Variants in DOCK10 observed in about 807,000 individuals in gnomAD.
The protein encoded by DOCK10 is dedicator of cytokinesis 10, also known as dedicator of cytokinesis protein 10.
DOCK10 carries 145 observed loss-of-function variants against 280.1 expected under a neutral mutation model. That is an observed-to-expected ratio of 0.52 (90% CI 0.45 to 0.59). DOCK10 has a LOEUF of 0.59. DOCK10 is among the 20% of genes least tolerant of loss of function. The probability of loss-of-function intolerance (pLI) is 0.00; values close to 1 mark genes in which losing one functional copy is unlikely to be tolerated. For synonymous variants in DOCK10, 915 were observed against 942.2 expected, an observed-to-expected ratio of 0.97 and a Z score of 0.53; for missense variants, 2,368 against 2,651.7, an observed-to-expected ratio of 0.89 and a Z score of 2.35.
intron 1 of DOCK10, among the ~76,000 whole-genome samples, chr2:224,969,510 C>T (rs1303506933): frequency 6.6e-6 from 1 of 152,098 alleles, no homozygotes; most frequent in Non-Finnish European, 1.5e-5. Context: ...ATGAGTCCTC[C>T]AGGGCTGTTC....
At chr2:224,787,508 A>T (rs1691817343) in intron 48 of DOCK10, 111 bp from the exon 49 acceptor site, 4 of 1,350,364 alleles carry the variant, frequency 3.0e-6, no homozygotes, top group Non-Finnish European at 4.1e-6. Flanking sequence ...TGTTACTGGC[A>T]TTTAAAACCC....
At chr2:224,867,306 C>T (rs1292065070) in intron 11 of DOCK10, among the ~76,000 whole-genome samples, 1 of 152,168 alleles carries the variant, frequency 6.6e-6, no homozygotes, top group African/African-American at 2.4e-5. Context: ...CAACCAGTTA[C>T]TTATTGGTTC....
chr2:224,871,117 G>A lies in DOCK10; in HGVS notation c.1257+2879C>T, dbSNP rs191603515. ...GCTGGGATTACAGGTGTGAGCCACCGTGCCTGGCCGCCAAACTTGCATTTG... is the reference window on the plus strand; with the variant it reads ...GCTGGGATTACAGGTGTGAGCCACCATGCCTGGCCGCCAAACTTGCATTTG... On this transcript the variant is annotated intron_variant, in intron 11 of 55. Transcript: ENST00000258390. Among the ~76,000 whole-genome samples the A allele has an allele frequency of 3.2e-4, 48 of 152,118 alleles. No individual in the cohort carries two copies. The East Asian group carries it at 8.1e-3, about 26-fold the overall frequency.
At chr2:224,823,344 T>G (rs16866194) in intron 28 of DOCK10, among the ~76,000 whole-genome samples, 157 bp downstream of exon 28, 27,218 of 152,148 alleles carry the variant, frequency 0.18, 2,957 homozygotes, top group East Asian at 0.31. Context: ...TTAAAAAGTA[T>G]TTCAAGCAAT....
At chr2:224,799,800 TA>T (rs1559433727) in intron 41 of DOCK10, among the ~76,000 whole-genome samples, 1 of 152,230 alleles carries the variant, frequency 6.6e-6, no homozygotes, top group Non-Finnish European at 1.5e-5. Context: ...TCTTTAGATC[TA>T]GTTGTAAATT....
Position 224,797,021 on chromosome 2 carries a change from G to A in DOCK10, c.4770C>T (p.Phe1590=). The part of the protein sequence containing the change: ...QTEASALLYF[F]MRKNFEFNKQ... ...TGTTAAATTCAAAATTCTTCCTCAT[G>A]AAAAAGTACAGAAGGGCTGAGGCTT... Residue 1590 remains phenylalanine (F), a synonymous_variant, in exon 43 of 56, where the codon TTC becomes TTT. Coordinates refer to ENST00000258390, the MANE Select transcript of DOCK10 (RefSeq NM_014689.3). 6.2e-7 allele frequency: 1 copy of A among 1,613,468 alleles called. No homozygotes were observed. The highest frequency in any genetic ancestry group is 1.7e-5 in the Admixed American group (1 of 59,962).
intron 1 of DOCK10, among the ~76,000 whole-genome samples, chr2:225,030,782 T>C (rs1483372540): frequency 6.6e-6 from 1 of 152,196 alleles, no homozygotes; most frequent in Admixed American, 6.5e-5. Context: ...GTTGTAAATA[T>C]TTAACAATAA....
chr2:224,921,096 A>ATATATAT (rs1480408193), intron 2 of DOCK10, among the ~76,000 whole-genome samples: 17 of 29,964 alleles, frequency 5.7e-4, no homozygotes, highest in Non-Finnish European at 8.1e-4. Flanking sequence ...CTCTATTAAA[A>ATATATAT]AAAAAAAAAA....
chr2:224,901,911 A>G (rs1375457858), intron 3 of DOCK10, among the ~76,000 whole-genome samples: 5 of 152,216 alleles, frequency 3.3e-5, no homozygotes, highest in Non-Finnish European at 7.3e-5. Context: ...AGCCTTTTAA[A>G]AGGACATATC....
intron 3 of DOCK10, among the ~76,000 whole-genome samples, chr2:224,904,511 T>C (rs1414908194): frequency 1.3e-5 from 2 of 152,322 alleles, no homozygotes; most frequent in South Asian, 2.1e-4. Flanking sequence ...GGTCACACTA[T>C]AGGAGTTAGT....
chr2:225,010,550 T>C (rs1689403367), intron 1 of DOCK10: 1 of 154,302 alleles, frequency 6.5e-6, no homozygotes, highest in South Asian at 2.0e-4. Context: ...GTACCCTAGC[T>C]GACATCAGTT....
chr2:224,766,515 T>TA (rs896080494), intron 55 of DOCK10, among the ~76,000 whole-genome samples: 7 of 152,214 alleles, frequency 4.6e-5, no homozygotes, highest in African/African-American at 1.7e-4. Context: ...GAGCATCCTA[T>TA]ACTACCAATA....
intron 1 of DOCK10, among the ~76,000 whole-genome samples, chr2:225,013,683 CTT>C (rs1191522172): frequency 6.6e-6 from 1 of 152,190 alleles, no homozygotes; most frequent in African/African-American, 2.4e-5. Context: ...CTGCACTTGA[CTT>C]TACTTAAGAA....
intron 47 of DOCK10, among the ~76,000 whole-genome samples, chr2:224,792,771 C>T (rs1014494826): frequency 2.0e-5 from 3 of 152,160 alleles, no homozygotes; most frequent in Admixed American, 6.5e-5. Flanking sequence ...TATTTGCTGA[C>T]AACTTTTCAG....
chr2:224,933,804 A>G (rs1413195357), intron 1 of DOCK10, among the ~76,000 whole-genome samples: 1 of 152,200 alleles, frequency 6.6e-6, no homozygotes, highest in African/African-American at 2.4e-5. Context: ...ATTGTAATTT[A>G]TAGGTTTAAA....
Position 224,868,618 on chromosome 2 carries a change from T to G in DOCK10, c.1258-3531A>C, listed in dbSNP as rs188998620. On this transcript the variant is annotated intron_variant, in intron 11 of 55. Coordinates refer to ENST00000258390, the MANE Select transcript of DOCK10 (RefSeq NM_014689.3). ...TTTTGAAATGTAGTAATGTGACTAG[T>G]TTATACGGGGGGGACAAGTCCAATT... Among the ~76,000 whole-genome samples, 12 of 152,290 alleles carry G rather than the reference T, an allele frequency of 7.9e-5. No homozygotes were observed. In the East Asian group the frequency reaches 2.3e-3, roughly 29 times the overall value.
chr2:225,019,155 G>A (rs960190568), intron 1 of DOCK10, among the ~76,000 whole-genome samples: 9 of 152,120 alleles, frequency 5.9e-5, no homozygotes, highest in Non-Finnish European at 1.0e-4. Context: ...GGGTTGGGTC[G>A]CAGTGGAGAC....
chr2:224,966,894 T>C (rs906290324), intron 1 of DOCK10, among the ~76,000 whole-genome samples: 1 of 147,772 alleles, frequency 6.8e-6, no homozygotes, highest in African/African-American at 2.6e-5. Context: ...GGTACTCAGA[T>C]GAAAAAAAAA....
At chr2:225,035,551 TA>T (rs1449571311) in intron 1 of DOCK10, among the ~76,000 whole-genome samples, 4 of 32,416 alleles carry the variant, frequency 1.2e-4, no homozygotes, top group Non-Finnish European at 2.5e-4. Context: ...ATTATATATA[TA>T]TATATATATA....
Sources: allele counts gnomAD v4.1 joint callset (sites outside exome capture counted in the v4.1 genomes callset), GRCh38; gene constraint gnomAD v4.1.1; transcripts MANE v1.5; gene names NCBI Gene and HGNC (gene_info 2026-07-23, HGNC 2026-07-21).